Variants in PRICKLE2 observed in about 807,000 individuals in gnomAD.
The protein encoded by PRICKLE2 is prickle-like protein 2.
A neutral mutation model predicts 81.4 loss-of-function variants in PRICKLE2; 21 were observed. The observed-to-expected ratio is 0.26, with a 90% CI of 0.18 to 0.37. The LOEUF is 0.37. Among genes scored for constraint, PRICKLE2 ranks in the 10% least tolerant of loss-of-function variants. The probability of loss-of-function intolerance (pLI) is 1.00; values close to 1 mark genes in which losing one functional copy is unlikely to be tolerated. For missense variants in PRICKLE2, 940 were observed against 1,109.0 expected (o/e 0.85, Z 2.16); for synonymous variants, 456 against 421.5 (o/e 1.08, Z -1.00).
chr3:64,189,747 G>A (rs551128192), intron 2 of PRICKLE2, among the ~76,000 whole-genome samples: 10 of 152,268 alleles, frequency 6.6e-5, no homozygotes, highest in African/African-American at 2.4e-4. Context: ...GACAATGTCC[G>A]TCTCTAACAG....
chr3:64,222,603 G>A (rs1055535216), intron 1 of PRICKLE2, among the ~76,000 whole-genome samples: 2 of 152,162 alleles, frequency 1.3e-5, no homozygotes, highest in Non-Finnish European at 2.9e-5. Context: ...ATGGTAGGCA[G>A]GCAGGCAGGG....
At chr3:64,172,709 G>A (rs1017037506) in intron 2 of PRICKLE2, among the ~76,000 whole-genome samples, 22 of 152,160 alleles carry the variant, frequency 1.4e-4, no homozygotes, top group Admixed American at 5.9e-4. Flanking sequence ...TACCCCCTGT[G>A]ATTCACATAT....
At chr3:64,221,538 T>C (rs1220836515) in intron 1 of PRICKLE2, among the ~76,000 whole-genome samples, 3 of 151,734 alleles carry the variant, frequency 2.0e-5, no homozygotes, top group African/African-American at 7.3e-5. Flanking sequence ...CAAATGTCAC[T>C]CAAAAGCATC....
intron 2 of PRICKLE2, among the ~76,000 whole-genome samples, chr3:64,264,893 T>C (rs1030374270): frequency 6.6e-6 from 1 of 152,136 alleles, no homozygotes; most frequent in Non-Finnish European, 1.5e-5. Context: ...GGTACAAGGA[T>C]TTCTCTACAC....
intron 1 of PRICKLE2, among the ~76,000 whole-genome samples, chr3:64,204,307 A>G (rs1198541391): frequency 1.3e-5 from 2 of 152,146 alleles, no homozygotes; most frequent in East Asian, 3.9e-4. Context: ...TATACCTTAC[A>G]TACATGATCC....
chr3:64,171,576 T>C (rs1281504701), intron 2 of PRICKLE2, among the ~76,000 whole-genome samples: 1 of 152,240 alleles, frequency 6.6e-6, no homozygotes, highest in African/African-American at 2.4e-5. Flanking sequence ...GTTTGCTGTA[T>C]ACCCCCAGAA....
At chr3:64,187,066 G>T (rs929505244) in intron 2 of PRICKLE2, among the ~76,000 whole-genome samples, 1 of 152,180 alleles carries the variant, frequency 6.6e-6, no homozygotes, top group African/African-American at 2.4e-5. Context: ...ATTTGCAAAT[G>T]AGCCTTGGCC....
Position 64,146,892 on chromosome 3 carries a change from A to T in PRICKLE2, c.1598T>A (p.Met533Lys). The T allele has an allele frequency of 6.2e-7, 1 of 1,614,162 alleles. No homozygotes were observed. The highest frequency in any genetic ancestry group is 8.5e-7 in the Non-Finnish European group (1 of 1,180,026). ...PISSLKYTED[M>K]TPTEQTPRGS... ...CCGAGGGGTCTGCTCTGTGGGCGTC[A>T]TGTCCTCTGTGTATTTCAGGGAACT... The change falls in exon 7 of 8, where the codon ATG becomes AAG. Residue 533 changes from methionine to lysine, a missense_variant. Met to Lys is a moderately conservative substitution (Grantham distance 95). Coordinates refer to ENST00000638394, the MANE Select transcript of PRICKLE2 (RefSeq NM_198859.4).
chr3:64,130,987 T>A lies in PRICKLE2; in HGVS notation c.1660+15843A>T, dbSNP rs568480593. On this transcript the variant is annotated intron_variant, in intron 7 of 7. Transcript: ENST00000638394. Reference sequence around the variant, plus strand: ...GACTGTTTAGAGTAAGTGTGAAGTATTCACTCTAAACCTGTTGAGGTTGAG... The same window carrying A: ...GACTGTTTAGAGTAAGTGTGAAGTAATCACTCTAAACCTGTTGAGGTTGAG... Among the ~76,000 whole-genome samples, 200 of 152,206 alleles carry A rather than the reference T, an allele frequency of 1.3e-3. 2 individuals carry two copies. The highest frequency in any genetic ancestry group is 2.3e-3 in the Non-Finnish European group (155 of 68,034).
Position 64,163,058 on chromosome 3 carries a change from T to G in PRICKLE2, c.216A>C (p.Arg72=), listed in dbSNP as rs2077760838. 6.2e-7 allele frequency: 1 copy of G among 1,614,004 alleles called. No individual in the cohort carries two copies. Among genetic ancestry groups the G allele is most frequent in the Non-Finnish European group, 8.5e-7 (1 of 1,179,966 alleles). Residue 72 remains arginine (R), a synonymous_variant, in exon 3 of 8, where the codon CGA becomes CGC. Coordinates refer to ENST00000638394, the MANE Select transcript of PRICKLE2 (RefSeq NM_198859.4). ...GCAGCTGGTGTAGTAGCTGCTTGAT[T>G]CGCAGTTTCTCTCCAGGACTGTTGA... ...PYVNSPGEKL[R]IKQLLHQLPP...
chr3:64,248,878 G>A (rs2079400004), intron 2 of PRICKLE2, among the ~76,000 whole-genome samples: 1 of 151,988 alleles, frequency 6.6e-6, no homozygotes, highest in African/African-American at 2.4e-5. Context: ...AAAATGAGTT[G>A]AGAATTTAAC....
chr3:64,125,214 T>C (rs181918111), intron 7 of PRICKLE2, among the ~76,000 whole-genome samples: 1 of 152,018 alleles, frequency 6.6e-6, no homozygotes, highest in Non-Finnish European at 1.5e-5. Flanking sequence ...CTTGAATGGA[T>C]GAATTGTTGC....
chr3:64,211,514 T>C (rs565397090), intron 1 of PRICKLE2, among the ~76,000 whole-genome samples: 1 of 152,296 alleles, frequency 6.6e-6, no homozygotes, highest in South Asian at 2.1e-4. Context: ...TATTCTCAGA[T>C]GGTTCAACAA....
intron 1 of PRICKLE2, among the ~76,000 whole-genome samples, chr3:64,217,298 T>C (rs538402023): frequency 6.6e-6 from 1 of 152,314 alleles, no homozygotes; most frequent in African/African-American, 2.4e-5. Flanking sequence ...AAAAAAAGAC[T>C]ATTAAAACTT....
intron 1 of PRICKLE2, among the ~76,000 whole-genome samples, chr3:64,223,544 C>G (rs2078987186): frequency 6.6e-6 from 1 of 152,150 alleles, no homozygotes; most frequent in Admixed American, 6.5e-5. Flanking sequence ...CCATTTCAAA[C>G]AATGCTATTT....
chr3:64,167,386 C>T (rs1331952003), intron 2 of PRICKLE2, among the ~76,000 whole-genome samples: 1 of 152,188 alleles, frequency 6.6e-6, no homozygotes, highest in Non-Finnish European at 1.5e-5. Context: ...CCCTGTGATT[C>T]CACCCCAGGT....
intron 7 of PRICKLE2, among the ~76,000 whole-genome samples, chr3:64,125,386 A>G (rs1336645921): frequency 1.3e-5 from 2 of 152,250 alleles, no homozygotes; most frequent in African/African-American, 2.4e-5. Flanking sequence ...CAATTTTGTA[A>G]TAAGTTCTAC....
intron 3 of PRICKLE2, among the ~76,000 whole-genome samples, chr3:64,162,746 A>C (rs1381573100): frequency 1.3e-5 from 2 of 152,334 alleles, no homozygotes; most frequent in South Asian, 2.1e-4. Flanking sequence ...ATAGCTTTTG[A>C]ATTTTAGTGC....
intron 7 of PRICKLE2, among the ~76,000 whole-genome samples, chr3:64,128,175 G>C (rs562164166): frequency 6.6e-6 from 1 of 152,138 alleles, no homozygotes; most frequent in Non-Finnish European, 1.5e-5. Context: ...GGGCTGGCCT[G>C]GTCTAAGAGT....
Sources: gnomAD v4.1 joint callset for allele counts (sites outside exome capture counted in the v4.1 genomes callset) on GRCh38, gnomAD v4.1.1 for gene constraint, MANE v1.5 for transcripts, NCBI Gene and HGNC (gene_info 2026-07-23, HGNC 2026-07-21) for gene names.